The following GPC6 variants were observed in gnomAD, a reference collection of about 807,000 sequenced individuals.
GPC6 encodes the protein glypican 6.
GPC6 carries 14 observed loss-of-function variants against 55.2 expected under a neutral mutation model. The ratio of observed to expected loss-of-function variants is 0.25; its 90% CI spans 0.17 to 0.40. The LOEUF is 0.40. GPC6 is among the 10% of genes least tolerant of loss of function. The pLI, the probability that GPC6 is intolerant of heterozygous loss-of-function variation, is 1.00. For synonymous variants in GPC6, 278 were observed against 259.6 expected, an observed-to-expected ratio of 1.07 and a Z score of -0.68; for missense variants, 641 against 708.5, an observed-to-expected ratio of 0.90 and a Z score of 1.08.
intron 7 of GPC6, among the ~76,000 whole-genome samples, chr13:94,383,491 G>A (rs541882651): frequency 6.6e-6 from 1 of 152,192 alleles, no homozygotes; most frequent in Non-Finnish European, 1.5e-5. Flanking sequence ...AACACTTTGG[G>A]GGGCCAAGGT....
chr13:94,087,153 G>A (rs1448863187), intron 4 of GPC6, among the ~76,000 whole-genome samples: 2 of 152,240 alleles, frequency 1.3e-5, no homozygotes, highest in East Asian at 1.9e-4. Flanking sequence ...TGGGATATTT[G>A]ATGGTGTTCA....
intron 1 of GPC6, among the ~76,000 whole-genome samples, chr13:93,231,387 A>ACG (rs1876036009): frequency 4.4e-5 from 1 of 22,984 alleles, no homozygotes; most frequent in African/African-American, 1.9e-4. Context: ...ATACATATAT[A>ACG]TATATATATG....
intron 3 of GPC6, among the ~76,000 whole-genome samples, chr13:93,912,956 T>A (rs1877087668): frequency 6.6e-6 from 1 of 152,174 alleles, no homozygotes; most frequent in Non-Finnish European, 1.5e-5. Flanking sequence ...TTCTTTCCCA[T>A]GTGTCTCTGT....
intron 1 of GPC6, among the ~76,000 whole-genome samples, chr13:93,287,262 G>T (rs10507998): frequency 0.25 from 38,543 of 152,066 alleles, 5,140 homozygotes; most frequent in African/African-American, 0.34. Flanking sequence ...AGCTTCATAA[G>T]AATGTCTAGA....
chr13:93,272,718 T>TTA (rs1877579377), intron 1 of GPC6, among the ~76,000 whole-genome samples: 2 of 152,106 alleles, frequency 1.3e-5, no homozygotes, highest in Non-Finnish European at 2.9e-5. Context: ...AGGTCATAAA[T>TTA]ATTCATCTAT....
At chr13:94,116,882 C>T (rs967221894) in intron 4 of GPC6, among the ~76,000 whole-genome samples, 10 of 152,040 alleles carry the variant, frequency 6.6e-5, no homozygotes, top group African/African-American at 1.7e-4. Context: ...TTAACATCAA[C>T]TTCTTTGTCA....
At chr13:93,679,435 C>T (rs1881768031) in intron 2 of GPC6, among the ~76,000 whole-genome samples, 1 of 152,080 alleles carries the variant, frequency 6.6e-6, no homozygotes, top group South Asian at 2.1e-4. Flanking sequence ...GAGTCCATAT[C>T]TAGACATGCC....
chr13:93,608,992 G>T (rs920644457), intron 2 of GPC6, among the ~76,000 whole-genome samples: 8 of 152,134 alleles, frequency 5.3e-5, no homozygotes, highest in African/African-American at 1.9e-4. Context: ...GTATCTATTG[G>T]TAAAGGCTGA....
intron 1 of GPC6, among the ~76,000 whole-genome samples, chr13:93,243,045 G>T (rs117756164): frequency 6.6e-6 from 1 of 152,170 alleles, no homozygotes; most frequent in Non-Finnish European, 1.5e-5. Context: ...TGTTCGAGAT[G>T]GTAGCCCAAT....
chr13:93,622,379 C>A (rs1036757742), intron 2 of GPC6, among the ~76,000 whole-genome samples: 3 of 152,006 alleles, frequency 2.0e-5, no homozygotes, highest in Non-Finnish European at 4.4e-5. Context: ...ATTGTGTATA[C>A]ATGCCACATT....
intron 1 of GPC6, among the ~76,000 whole-genome samples, chr13:93,541,880 T>G (rs1459156907): frequency 6.6e-6 from 1 of 151,952 alleles, no homozygotes; most frequent in Non-Finnish European, 1.5e-5. Context: ...GGTTGTTTTT[T>G]TCTTGTAAAT....
intron 4 of GPC6, among the ~76,000 whole-genome samples, chr13:94,267,775 G>A (rs919211500): frequency 1.9e-4 from 29 of 152,170 alleles, no homozygotes; most frequent in African/African-American, 6.8e-4. Context: ...GGGGAAAAAA[G>A]CACTTATAGT....
chr13:93,857,949 A>G (rs1262702598), intron 3 of GPC6, among the ~76,000 whole-genome samples: 1 of 151,566 alleles, frequency 6.6e-6, no homozygotes, highest in Admixed American at 6.6e-5. Context: ...GAATTGAACC[A>G]TTAGTATTTA....
intron 2 of GPC6, among the ~76,000 whole-genome samples, chr13:93,585,626 G>T (rs1877158613): frequency 6.6e-6 from 1 of 152,252 alleles, no homozygotes; most frequent in African/African-American, 2.4e-5. Flanking sequence ...AATCTTAAAA[G>T]AAATTTTGAA....
At chr13:93,490,492 T>G (rs1297931836) in intron 1 of GPC6, among the ~76,000 whole-genome samples, 1 of 131,446 alleles carries the variant, frequency 7.6e-6, no homozygotes, top group African/African-American at 2.8e-5. Flanking sequence ...TTGAGTGATT[T>G]TTTTTTCTTT....
chr13:94,054,588 C>G (rs1285040637), intron 4 of GPC6, among the ~76,000 whole-genome samples: 1 of 152,152 alleles, frequency 6.6e-6, no homozygotes, highest in Non-Finnish European at 1.5e-5. Context: ...CTCCTTAGAG[C>G]CTCAAGGTCA....
chr13:93,979,747 T>A (rs538056116), intron 3 of GPC6, among the ~76,000 whole-genome samples: 1 of 152,082 alleles, frequency 6.6e-6, no homozygotes, highest in Admixed American at 6.6e-5. Flanking sequence ...AATCAGAAAA[T>A]TTTAATAGCT....
chr13:94,053,768 GAAGGA>G (rs1219183551), intron 4 of GPC6, among the ~76,000 whole-genome samples: 1 of 152,122 alleles, frequency 6.6e-6, no homozygotes, highest in African/African-American at 2.4e-5. Context: ...ACGATGATTA[GAAGGA>G]AAGAAAAACA....
At chr13:94,290,699 A>G (rs1874914432) in intron 5 of GPC6, among the ~76,000 whole-genome samples, 1 of 152,172 alleles carries the variant, frequency 6.6e-6, no homozygotes, top group African/African-American at 2.4e-5. Context: ...TCAAGTATAA[A>G]ATACCTTGTT....
Sources: gnomAD v4.1 joint callset for allele counts (sites outside exome capture counted in the v4.1 genomes callset) on GRCh38, gnomAD v4.1.1 for gene constraint, MANE v1.5 for transcripts, NCBI Gene and HGNC (gene_info 2026-07-23, HGNC 2026-07-21) for gene names.